Variants in HTR4 observed in about 807,000 individuals in gnomAD.
HTR4 encodes 5-hydroxytryptamine (serotonin) receptor 4, G protein-coupled.
HTR4 carries 16 observed loss-of-function variants against 36.8 expected under a neutral mutation model. The observed-to-expected ratio is 0.43, with a 90% confidence interval of 0.29 to 0.66. The LOEUF is 0.66. Ranked by LOEUF, HTR4 falls within the 30% of genes least tolerant of loss-of-function variation. HTR4 has a pLI of 0.13. For missense variants in HTR4, 438 were observed against 490.9 expected (o/e 0.89, Z 1.02); for synonymous variants, 189 against 185.1 (o/e 1.02, Z -0.17).
chr5:148,640,620 G>C (rs187829984), intron 1 of HTR4, among the ~76,000 whole-genome samples: 1 of 152,308 alleles, frequency 6.6e-6, no homozygotes, highest in African/African-American at 2.4e-5. Flanking sequence ...AGTGTCTTAA[G>C]ATAATTTTAC....
At chr5:148,622,962 C>T (rs1236194283) in intron 2 of HTR4, among the ~76,000 whole-genome samples, 1 of 152,022 alleles carries the variant, frequency 6.6e-6, no homozygotes, top group African/African-American at 2.4e-5. Context: ...AATGTATGTC[C>T]AATGAACTAA....
rs868272327 is a variant in HTR4, at chr5:148,607,329, T to G, written c.26+29660A>C. 5.9e-5 allele frequency among the ~76,000 whole-genome samples: 9 copies of G among 152,112 alleles called. No homozygotes were observed. In the East Asian group the frequency reaches 9.6e-4, roughly 16 times the overall value. ...CTGGACCAGAGTTCAGATACTTCGG[T>G]CAAAAAGTTGAGATACTTTTCAAGC... is the stretch of plus-strand genomic sequence containing the variant. On this transcript the variant is annotated intron_variant, in intron 2 of 6. Transcript: ENST00000377888.
At chr5:148,562,850 C>T (rs1760274298) in intron 2 of HTR4, among the ~76,000 whole-genome samples, 1 of 152,154 alleles carries the variant, frequency 6.6e-6, no homozygotes, top group Non-Finnish European at 1.5e-5. Context: ...CATAACGTTT[C>T]CTGATCCCAA....
chr5:148,518,165 C>T (rs1757849448), intron 5 of HTR4, among the ~76,000 whole-genome samples: 1 of 152,112 alleles, frequency 6.6e-6, no homozygotes, highest in Admixed American at 6.6e-5. Context: ...ATATTACAAT[C>T]TGCTATCCGG....
exon 6 of HTR4, chr5:148,451,190 A>G: frequency 3.7e-6 from 6 of 1,613,842 alleles, no homozygotes; most frequent in Non-Finnish European, 5.1e-6. Flanking sequence ...CTCAATCAGA[A>G]GCATGATTCC....
At chr5:148,639,186 T>C (rs985493207) in intron 1 of HTR4, among the ~76,000 whole-genome samples, 1 of 152,166 alleles carries the variant, frequency 6.6e-6, no homozygotes, top group Non-Finnish European at 1.5e-5. Context: ...ACACCCCCAA[T>C]CTGTCTCCTG....
At chr5:148,591,206 G>C (rs1761555185) in intron 2 of HTR4, among the ~76,000 whole-genome samples, 1 of 152,100 alleles carries the variant, frequency 6.6e-6, no homozygotes, top group Non-Finnish European at 1.5e-5. Flanking sequence ...TTTTGTATCA[G>C]TACTATTTTG....
At chr5:148,550,015 T>C (rs540278864) in intron 3 of HTR4, 122 bp downstream of exon 3, 1 of 991,798 alleles carries the variant, frequency 1.0e-6, no homozygotes, top group African/African-American at 1.6e-5. Flanking sequence ...ATTTTTAAAA[T>C]GTTGTTCCCA....
downstream of HTR4, among the ~76,000 whole-genome samples, chr5:148,478,089 G>A (rs1030308280): frequency 3.9e-5 from 6 of 152,090 alleles, no homozygotes; most frequent in Non-Finnish European, 7.4e-5. Context: ...GACCTTGTCC[G>A]GTTTCTTTAT....
At chr5:148,476,638 C>T (rs1262998426), downstream of HTR4, 6 of 1,583,924 alleles carry the variant, frequency 3.8e-6, no homozygotes, top group Non-Finnish European at 4.3e-6. Context: ...CAAACAAATA[C>T]ATCCAATGAA....
chr5:148,586,460 T>A (rs1265555904), intron 2 of HTR4, among the ~76,000 whole-genome samples: 2 of 151,956 alleles, frequency 1.3e-5, no homozygotes, highest in African/African-American at 4.8e-5. Context: ...TAGTCCATTT[T>A]CACACAAGGC....
At chr5:148,623,511 C>T (rs1302797196) in intron 2 of HTR4, among the ~76,000 whole-genome samples, 1 of 152,112 alleles carries the variant, frequency 6.6e-6, no homozygotes, top group Non-Finnish European at 1.5e-5. Flanking sequence ...TGTTGTCAGA[C>T]CTATTAAAAT....
At chr5:148,576,393 C>T (rs1760921172) in intron 2 of HTR4, among the ~76,000 whole-genome samples, 1 of 151,890 alleles carries the variant, frequency 6.6e-6, no homozygotes, top group Non-Finnish European at 1.5e-5. Context: ...CTATACTGTC[C>T]AAAGCAGTTT....
chr5:148,509,104 C>T (rs111853620), intron 6 of HTR4, among the ~76,000 whole-genome samples: 2,406 of 152,192 alleles, frequency 0.016, 34 homozygotes, highest in Middle Eastern at 0.048. Context: ...GGCTCTGTAC[C>T]GTGCACTCCA....
Position 148,632,780 on chromosome 5 carries a change from G to T in HTR4, c.26+4209C>A, listed in dbSNP as rs994393735. Among the ~76,000 whole-genome samples, 17 of 152,194 alleles carry T rather than the reference G, an allele frequency of 1.1e-4. 1 individual carries two copies. Among genetic ancestry groups the T allele is most frequent in the African/African-American group, 2.9e-4 (12 of 41,534 alleles). Reference sequence around the variant, plus strand: ...GACAGAAACCTGAACTGCATTTAGCGATCACACTTGAACTGAGGAAAACCA... The same window carrying T: ...GACAGAAACCTGAACTGCATTTAGCTATCACACTTGAACTGAGGAAAACCA... On this transcript the variant is annotated intron_variant, in intron 2 of 6. Coordinates refer to ENST00000377888, the MANE Select transcript of HTR4 (RefSeq NM_000870.7).
intron 4 of HTR4, among the ~76,000 whole-genome samples, chr5:148,525,648 G>T (rs1358013793): frequency 6.6e-6 from 1 of 152,136 alleles, no homozygotes; most frequent in African/African-American, 2.4e-5. Context: ...TGGATCTTTT[G>T]CAGCATGCTC....
rs142166544 is a variant in HTR4 at position 148,547,561 on chromosome 5, TA to T, written c.353+1106del. On this transcript the variant is annotated intron_variant, in intron 4 of 6. Coordinates refer to ENST00000377888, the MANE Select transcript of HTR4 (RefSeq NM_000870.7). ...TAAAATAAAATAAAATAAAATAAAA[TA>T]AAATAAATAAATAAAAATAAATGAA... Among the ~76,000 whole-genome samples, 401 of 48,286 alleles carry T rather than the reference TA, an allele frequency of 8.3e-3. 4 individuals are homozygous for T. The highest frequency in any genetic ancestry group is 0.034 in the African/African-American group (346 of 10,094). 31.7% of individuals were successfully genotyped at this position (48,286 alleles called of 152,430 possible).
intron 6 of HTR4, among the ~76,000 whole-genome samples, chr5:148,505,742 G>A (rs1175332459): frequency 1.3e-5 from 2 of 152,020 alleles, no homozygotes; most frequent in Non-Finnish European, 2.9e-5. Context: ...GACAAACAGA[G>A]GGCCAAATCA....
At chr5:148,551,599 A>G (rs1759695252) in intron 2 of HTR4, among the ~76,000 whole-genome samples, 1 of 152,198 alleles carries the variant, frequency 6.6e-6, no homozygotes, top group Non-Finnish European at 1.5e-5. Flanking sequence ...TTATAGTATA[A>G]TAAAATGTTC....
Sources: allele counts gnomAD v4.1 joint callset (sites outside exome capture counted in the v4.1 genomes callset), GRCh38; gene constraint gnomAD v4.1.1; transcripts MANE v1.5; gene names NCBI Gene and HGNC (gene_info 2026-07-23, HGNC 2026-07-21).